The following DGKG variants were observed in gnomAD, a reference collection of about 807,000 sequenced individuals.
DGKG encodes DAG kinase gamma.
A neutral mutation model predicts 105.3 loss-of-function variants in DGKG; 78 were observed. The ratio of observed to expected loss-of-function variants is 0.74; its 90% CI spans 0.62 to 0.89. The LOEUF (loss-of-function observed/expected upper bound fraction) is 0.89, where lower values mean the gene tolerates loss of function less well. DGKG is among the 40% of genes least tolerant of loss of function. The pLI, the probability that DGKG is intolerant of heterozygous loss-of-function variation, is 0.00. For missense variants in DGKG, 958 were observed against 1,020.1 expected (o/e 0.94, Z 0.83); for synonymous variants, 346 against 367.1 (o/e 0.94, Z 0.66).
At chr3:186,287,729 A>C (rs773655625) in intron 6 of DGKG, among the ~76,000 whole-genome samples, 5 of 152,246 alleles carry the variant, frequency 3.3e-5, no homozygotes, top group Admixed American at 6.5e-5. Flanking sequence ...AATTGTTAAC[A>C]CTTCAAACCT....
At chr3:186,223,000 G>A (rs191439180) in intron 20 of DGKG, among the ~76,000 whole-genome samples, 640 of 49,084 alleles carry the variant, frequency 0.013, 7 homozygotes, top group African/African-American at 0.037. Flanking sequence ...ATACACACAC[G>A]TGTATGTATA....
At position 186,284,855 on chromosome 3, in the gene DGKG, A is replaced by G. The variant is rs2108599358; in HGVS notation, c.545-146T>C. On this transcript the variant is annotated intron_variant, in intron 6 of 24. Transcript: ENST00000265022. The surrounding 1 kb of genome is among the most constrained non-coding windows in gnomAD (Gnocchi z 4.0). ...CAGCTCTCCCTCCCTCTGAGCACAG[A>G]GTCTGACTTCCTTACAGAGAGGCTG... 2.9e-6 allele frequency: 2 copies of G among 684,172 alleles called. No homozygotes were observed. Among genetic ancestry groups the G allele is most frequent in the East Asian group, 5.4e-5 (2 of 37,000 alleles). The allele number at this position is 684,172 out of a possible 1,614,324, so 42.4% of individuals were successfully genotyped here.
At chr3:186,324,901 C>T (rs1001148200) in intron 1 of DGKG, among the ~76,000 whole-genome samples, 1 of 152,244 alleles carries the variant, frequency 6.6e-6, no homozygotes, top group African/African-American at 2.4e-5. Flanking sequence ...ATGTTCATCA[C>T]AGCACTATTC....
chr3:186,219,153 A>T (rs1208843671), intron 20 of DGKG, among the ~76,000 whole-genome samples: 1 of 186 alleles, frequency 5.4e-3, no homozygotes, highest in Non-Finnish European at 0.014. Flanking sequence ...TCAAGAGTTA[A>T]AAAAAAAAAA....
intron 21 of DGKG, among the ~76,000 whole-genome samples, chr3:186,196,137 C>CT (rs71164579): frequency 0.035 from 4,580 of 131,072 alleles, 138 homozygotes; most frequent in African/African-American, 0.088. Context: ...CTTTTTCTTT[C>CT]TTTTTTTTTT....
At position 186,237,675 on chromosome 3, in the gene DGKG, T is replaced by A. The variant is rs948204247; in HGVS notation, c.1826+4829A>T. ...TACTTATCAGAGTGTCTGGTATACA[T>A]CAGTGCTTGCTCAATGAAATCTATG... On this transcript the variant is annotated intron_variant, in intron 20 of 24. Coordinates refer to ENST00000265022, the MANE Select transcript of DGKG (RefSeq NM_001346.3). 6.6e-5 allele frequency among the ~76,000 whole-genome samples: 10 copies of A among 152,292 alleles called. No individual in the cohort carries two copies. In the South Asian group the frequency reaches 2.1e-3, roughly 32 times the overall value.
chr3:186,204,085 C>G (rs1470244234), intron 21 of DGKG, among the ~76,000 whole-genome samples: 1 of 152,164 alleles, frequency 6.6e-6, no homozygotes, highest in African/African-American at 2.4e-5. Context: ...GGTACTTAAC[C>G]TGTGAAGTCC....
rs367929430 is a variant in DGKG, at chr3:186,239,702, C to T, written c.1826+2802G>A. On this transcript the variant is annotated intron_variant, in intron 20 of 24. Coordinates refer to ENST00000265022, the MANE Select transcript of DGKG (RefSeq NM_001346.3). ...TCTGTCTTCGTTTGTTAGGCGAGCA[C>T]GCAGGTTTACGTGCAAATCCGTGGG... Among the ~76,000 whole-genome samples, 38 of 152,298 alleles carry T rather than the reference C, an allele frequency of 2.5e-4. 1 individual carries two copies. The South Asian group carries it at 5.4e-3, about 22-fold the overall frequency.
At chr3:186,331,008 C>T (rs1725576206) in intron 1 of DGKG, among the ~76,000 whole-genome samples, 1 of 152,180 alleles carries the variant, frequency 6.6e-6, no homozygotes, top group African/African-American at 2.4e-5. Flanking sequence ...ATGATTCATG[C>T]TTGAACTGCA....
intron 21 of DGKG, among the ~76,000 whole-genome samples, chr3:186,189,343 A>G (rs1361550389): frequency 1.3e-5 from 2 of 152,212 alleles, no homozygotes; most frequent in East Asian, 1.9e-4. Flanking sequence ...ACATGTCTAT[A>G]AAGTCAGCCC....
chr3:186,224,406 G>A (rs572648889), intron 20 of DGKG, among the ~76,000 whole-genome samples: 1 of 152,282 alleles, frequency 6.6e-6, no homozygotes, highest in South Asian at 2.1e-4. Context: ...AGACATCAAA[G>A]GTCACTAGAG....
chr3:186,283,764 T>A (rs1013945359), intron 7 of DGKG, among the ~76,000 whole-genome samples: 1 of 152,232 alleles, frequency 6.6e-6, no homozygotes, highest in African/African-American at 2.4e-5. Flanking sequence ...TCTGGATGTT[T>A]CCTCAAATGA....
At chr3:186,299,209 C>T (rs1004434614) in intron 3 of DGKG, among the ~76,000 whole-genome samples, 2 of 152,218 alleles carry the variant, frequency 1.3e-5, no homozygotes, top group Non-Finnish European at 2.9e-5. Flanking sequence ...ATCTGCTGTG[C>T]AGGCTTTTGT....
At chr3:186,222,011 T>C (rs1458325738) in intron 20 of DGKG, among the ~76,000 whole-genome samples, 1 of 152,196 alleles carries the variant, frequency 6.6e-6, no homozygotes, top group Non-Finnish European at 1.5e-5. Context: ...GCTCTTTTGA[T>C]CCTCACGTCT....
chr3:186,343,262 C>A (rs974775379), intron 1 of DGKG, among the ~76,000 whole-genome samples: 4 of 152,118 alleles, frequency 2.6e-5, no homozygotes, highest in Admixed American at 2.6e-4. Context: ...GCCAGAGGAC[C>A]AGAAACAAGC....
rs758179174 is a variant in DGKG, at chr3:186,261,758, C to T, written c.1290G>A (p.Pro430=). Residue 430 remains proline, a synonymous_variant, in exon 15 of 25, where the codon CCG becomes CCA. Transcript: ENST00000265022. ...CCAAGACCAGCAGGGGGTGGGTACCCGGGGTGGGGATGATCTTATACTTGA... is the reference window on the plus strand; with the variant it reads ...CCAAGACCAGCAGGGGGTGGGTACCTGGGGTGGGGATGATCTTATACTTGA... The part of the protein sequence containing the change: ...LVMQYKIIPT[P]GTHPLLVLVN... 17 of 1,253,032 alleles carry T rather than the reference C, an allele frequency of 1.4e-5. No homozygotes were observed. Among genetic ancestry groups the T allele is most frequent in the South Asian group, 6.0e-5 (5 of 82,738 alleles). The allele number at this position is 1,253,032 out of a possible 1,614,324, so 77.6% of individuals were successfully genotyped here.
chr3:186,158,192 A>G (rs1486746365), intron 24 of DGKG: 1 of 712,614 alleles, frequency 1.4e-6, no homozygotes, highest in Non-Finnish European at 1.7e-6. Context: ...TATCTTTATT[A>G]TTTTCTTCCT....
At chr3:186,321,993 A>G (rs999554680) in intron 1 of DGKG, among the ~76,000 whole-genome samples, 1 of 152,180 alleles carries the variant, frequency 6.6e-6, no homozygotes, top group Non-Finnish European at 1.5e-5. Flanking sequence ...CAAATCCAGC[A>G]GGCACCTTTC....
chr3:186,213,834 A>G (rs942577248), intron 20 of DGKG, among the ~76,000 whole-genome samples: 1 of 152,210 alleles, frequency 6.6e-6, no homozygotes, highest in African/African-American at 2.4e-5. Context: ...AACATGGAAA[A>G]GGACAGAACC....
Sources: gnomAD v4.1 joint callset for allele counts (sites outside exome capture counted in the v4.1 genomes callset) on GRCh38, gnomAD v4.1.1 for gene constraint, Gnocchi (gnomAD v3.1) non-coding constraint, MANE v1.5 for transcripts, NCBI Gene and HGNC (gene_info 2026-07-23, HGNC 2026-07-21) for gene names.